ITGB6: variants seen among roughly 807,000 people sequenced by gnomAD.
ITGB6 encodes the protein integrin beta-6.
Under a neutral mutation model 84.5 loss-of-function variants are expected in ITGB6, and 80 were observed. That is an observed-to-expected ratio of 0.95 (90% CI 0.79 to 1.14). ITGB6 has a LOEUF of 1.14. Ranked by LOEUF, ITGB6 falls within the 50% of genes most tolerant of loss-of-function variation. The pLI is 0.00. For missense variants in ITGB6, 1,006 were observed against 968.0 expected (o/e 1.04, Z -0.52); for synonymous variants, 383 against 354.9 (o/e 1.08, Z -0.89).
At chr2:160,119,080 G>A (rs918907713) in intron 12 of ITGB6, among the ~76,000 whole-genome samples, 2 of 152,108 alleles carry the variant, frequency 1.3e-5, no homozygotes, top group Non-Finnish European at 2.9e-5. Context: ...CGTGAAAATG[G>A]CCATACTGTC....
Position 160,199,263 on chromosome 2 carries a change from GT to G in ITGB6, c.62-6del. 1.2e-6 allele frequency: 2 copies of G among 1,612,828 alleles called. No homozygotes were observed. Among genetic ancestry groups the G allele is most frequent in the Non-Finnish European group, 1.7e-6 (2 of 1,178,916 alleles). On this transcript the variant is annotated splice_polypyrimidine_tract_variant and splice_region_variant and intron_variant, in intron 1 of 14. Coordinates refer to ENST00000283249, the MANE Select transcript of ITGB6 (RefSeq NM_000888.5). ...CACCTCCCAGGGCACAGCCACCTAG[GT>G]TTAGACCCAGCAAGATGCAGGGATT...
chr2:160,147,905 G>A (rs1470563769), intron 7 of ITGB6, among the ~76,000 whole-genome samples: 1 of 152,146 alleles, frequency 6.6e-6, no homozygotes, highest in Non-Finnish European at 1.5e-5. Context: ...ATTATCTTGA[G>A]TATGTTGATG....
chr2:160,112,113 C>T lies in ITGB6; in HGVS notation c.2068G>A (p.Gly690Arg), dbSNP rs1460115362. Residue 690 changes from glycine (G) to arginine (R), a missense_variant, in exon 13 of 15, where the codon GGG becomes AGG. Physicochemically the swap from Gly to Arg is moderately radical, Grantham distance 125 (BLOSUM62 -2). Transcript: ENST00000283249. ...TTGATGCTGTGAATGATGGTTTTCCCCTCATTATCTGTAGTTATTAGGAAT... is the reference window on the plus strand; with the variant it reads ...TTGATGCTGTGAATGATGGTTTTCCTCTCATTATCTGTAGTTATTAGGAAT... ...ITFLITTDNEGKTIIHSINEK... is the reference protein window; with the variant it reads ...ITFLITTDNERKTIIHSINEK... 1 of 1,613,102 alleles carries T rather than the reference C, an allele frequency of 6.2e-7. No homozygotes were observed. Among genetic ancestry groups the T allele is most frequent in the Non-Finnish European group, 8.5e-7 (1 of 1,179,684 alleles).
chr2:160,195,332 T>A, intron 4 of ITGB6, 37 bp downstream of exon 4: 1 of 1,612,076 alleles, frequency 6.2e-7, no homozygotes, highest in Non-Finnish European at 8.5e-7. Context: ...CCACAGAAAA[T>A]CAGCGCACAA....
chr2:160,180,026 T>G (rs1685598939), intron 4 of ITGB6, among the ~76,000 whole-genome samples: 1 of 147,794 alleles, frequency 6.8e-6, no homozygotes, highest in Admixed American at 6.7e-5. Context: ...GGCAGCAGAA[T>G]CGCTTGAACC....
chr2:160,137,921 A>G, intron 9 of ITGB6, 70 bp from the exon 10 acceptor site: 1 of 1,555,924 alleles, frequency 6.4e-7, no homozygotes. Flanking sequence ...GGCTTCACGG[A>G]AATCAGCTTT....
chr2:160,146,857 T>A (rs972895005), intron 7 of ITGB6, among the ~76,000 whole-genome samples: 1 of 151,808 alleles, frequency 6.6e-6, no homozygotes, highest in Non-Finnish European at 1.5e-5. Flanking sequence ...TCCCAACACT[T>A]TGGGAGGCTG....
chr2:160,177,487 C>T (rs942078263), intron 4 of ITGB6, among the ~76,000 whole-genome samples: 4 of 151,526 alleles, frequency 2.6e-5, no homozygotes, highest in African/African-American at 9.7e-5. Flanking sequence ...AGGAGAATGG[C>T]GTGAACCCGG....
chr2:160,102,832 G>A (rs998442226), intron 14 of ITGB6, among the ~76,000 whole-genome samples: 4 of 152,174 alleles, frequency 2.6e-5, no homozygotes, highest in African/African-American at 7.2e-5. Flanking sequence ...CCACATGACC[G>A]TACTGAAGAC....
intron 10 of ITGB6, among the ~76,000 whole-genome samples, chr2:160,127,263 G>A (rs774818720): frequency 1.3e-5 from 2 of 152,088 alleles, no homozygotes; most frequent in East Asian, 3.9e-4. Flanking sequence ...TAAGAATCTG[G>A]AACCTTTTTT....
In ITGB6 at chr2:160,137,572, G is replaced by C; in HGVS notation, c.1522C>G (p.His508Asp). ...STDSCKEAPD[H>D]PSCSGRGDCY... ...TCACCCCTTCCGCTGCAGGAGGGAT[G>C]ATCTGGGGCCTCCTTGCAGGAATCT... Residue 508 changes from histidine (H) to aspartate (D), a missense_variant, in exon 10 of 15, where the codon CAT becomes GAT. Transcript: ENST00000283249. 6.2e-7 allele frequency: 1 copy of C among 1,614,244 alleles called. No homozygotes were observed. The highest frequency in any genetic ancestry group is 1.6e-4 in the Middle Eastern group (1 of 6,062).
chr2:160,171,078 T>C (rs541466798), intron 6 of ITGB6, among the ~76,000 whole-genome samples: 1 of 152,178 alleles, frequency 6.6e-6, no homozygotes, highest in Non-Finnish European at 1.5e-5. Flanking sequence ...AAAACATTCA[T>C]GTCGAAATTT....
chr2:160,175,643 T>A (rs1019947797), intron 4 of ITGB6, among the ~76,000 whole-genome samples: 2 of 152,252 alleles, frequency 1.3e-5, no homozygotes, highest in South Asian at 2.1e-4. Flanking sequence ...AAGGCTGTGA[T>A]GTGTCTCATT....
intron 7 of ITGB6, among the ~76,000 whole-genome samples, chr2:160,145,584 CA>C (rs1398599925): frequency 6.6e-6 from 1 of 152,198 alleles, no homozygotes. Flanking sequence ...ACAGAGGAAA[CA>C]CCTGCATTCC....
At chr2:160,169,487 T>C (rs1048054507) in intron 6 of ITGB6, among the ~76,000 whole-genome samples, 180 bp from the exon 7 acceptor site, 3 of 152,236 alleles carry the variant, frequency 2.0e-5, no homozygotes, top group African/African-American at 7.2e-5. Flanking sequence ...GGTTTAATAA[T>C]CTTTTTCTAA....
intron 7 of ITGB6, among the ~76,000 whole-genome samples, chr2:160,164,609 T>G (rs753925574): frequency 6.6e-6 from 1 of 152,042 alleles, no homozygotes; most frequent in African/African-American, 2.4e-5. Flanking sequence ...GGCACAAGAA[T>G]CACTTGAACC....
intron 11 of ITGB6, among the ~76,000 whole-genome samples, chr2:160,124,464 T>C (rs974144657): frequency 2.6e-5 from 4 of 152,228 alleles, no homozygotes; most frequent in Non-Finnish European, 4.4e-5. Flanking sequence ...TCCTCATTAA[T>C]ACAGGCTTTT....
intron 7 of ITGB6, among the ~76,000 whole-genome samples, chr2:160,166,704 A>T (rs1685012115): frequency 6.6e-6 from 1 of 152,176 alleles, no homozygotes; most frequent in Admixed American, 6.5e-5. Context: ...TATCTTTCGA[A>T]CCCTATAATT....
chr2:160,134,237 C>G (rs1199693716), intron 10 of ITGB6, among the ~76,000 whole-genome samples: 2 of 152,114 alleles, frequency 1.3e-5, no homozygotes, highest in Non-Finnish European at 2.9e-5. Flanking sequence ...CCACTGATCC[C>G]ACAGAAATAA....
Sources: gnomAD v4.1 joint callset for allele counts (sites outside exome capture counted in the v4.1 genomes callset) on GRCh38, gnomAD v4.1.1 for gene constraint, MANE v1.5 for transcripts, NCBI Gene and HGNC (gene_info 2026-07-23, HGNC 2026-07-21) for gene names.